DNAH8: variants seen among roughly 807,000 people sequenced by gnomAD.
The protein encoded by DNAH8 is axonemal beta dynein heavy chain 8.
In DNAH8, 382 loss-of-function variants were observed where a neutral mutation model predicts 562.1. The observed-to-expected ratio is 0.68, with a 90% confidence interval of 0.63 to 0.74. The LOEUF is 0.74. Ranked by LOEUF, DNAH8 falls within the 30% of genes least tolerant of loss-of-function variation. DNAH8 has a pLI of 0.00. For missense variants in DNAH8, 5,203 were observed against 5,620.4 expected, an observed-to-expected ratio of 0.93 and a Z score of 2.37; for synonymous variants, 1,881 against 1,919.4, an observed-to-expected ratio of 0.98 and a Z score of 0.52.
At chr6:38,805,434 T>C (rs767983606) in intron 22 of DNAH8, 47 bp from the exon 23 acceptor site, 3 of 1,197,498 alleles carry the variant, frequency 2.5e-6, no homozygotes, top group Non-Finnish European at 3.7e-6. Flanking sequence ...ATACAGACAA[T>C]GCTAAAAAGT....
intron 91 of DNAH8, among the ~76,000 whole-genome samples, chr6:39,015,958 A>G (rs182575043): frequency 3.3e-5 from 5 of 152,274 alleles, no homozygotes; most frequent in African/African-American, 1.2e-4. Flanking sequence ...CCTGCACACT[A>G]ATCACTTCTC....
Position 38,917,905 on chromosome 6 carries a change from G to A in DNAH8, c.10309-20G>A. On this transcript the variant is annotated intron_variant, in intron 69 of 92. Transcript: ENST00000327475. The stretch of plus-strand genomic sequence containing the variant: ...AAGTATTTTCTTCCAGAACTTACAG[G>A]TTATAATACTATTTTTCAGTTGATG... The A allele has an allele frequency of 6.3e-7, 1 of 1,580,300 alleles. No homozygotes were observed. The highest frequency in any genetic ancestry group is 2.2e-5 in the East Asian group (1 of 44,524).
In DNAH8 at chr6:38,787,569, G is replaced by A. The variant is rs571603253; in HGVS notation, c.2583+617G>A. Among the ~76,000 whole-genome samples, 6 of 151,860 alleles carry A rather than the reference G, an allele frequency of 4.0e-5. No homozygotes were observed. In the East Asian group the frequency reaches 5.8e-4, roughly 15 times the overall value. ...GACGAAACTGGGTGTGGTGGTGCACGCTTGTAATCCCAGCTACTTAGGAGG... is the reference window on the plus strand; with the variant it reads ...GACGAAACTGGGTGTGGTGGTGCACACTTGTAATCCCAGCTACTTAGGAGG... On this transcript the variant is annotated intron_variant, in intron 18 of 92. Transcript: ENST00000327475.
At chr6:38,725,009 AG>A (rs753529009) in intron 3 of DNAH8, among the ~76,000 whole-genome samples, 21 of 152,102 alleles carry the variant, frequency 1.4e-4, no homozygotes, top group Non-Finnish European at 2.8e-4. Context: ...CGTGCCTAAA[AG>A]AGCTACTCCC....
intron 11 of DNAH8, 22 bp from the exon 12 acceptor site, chr6:38,770,391 A>G (rs1488406226): frequency 2.0e-6 from 3 of 1,496,092 alleles, no homozygotes; most frequent in African/African-American, 2.8e-5. Flanking sequence ...TCTTTTCCCT[A>G]TTTCTTTTAC....
chr6:38,942,660 G>T (rs1364111042), intron 79 of DNAH8, among the ~76,000 whole-genome samples: 5 of 152,194 alleles, frequency 3.3e-5, no homozygotes, highest in Admixed American at 3.3e-4. Flanking sequence ...AAGGACCAAT[G>T]CCAGGAGCTG....
intron 26 of DNAH8, among the ~76,000 whole-genome samples, chr6:38,821,764 G>T (rs1307435252): frequency 1.3e-5 from 2 of 152,128 alleles, no homozygotes; most frequent in Admixed American, 6.6e-5. Context: ...ATTTTGCCAT[G>T]TTGCCCAGGC....
intron 8 of DNAH8, among the ~76,000 whole-genome samples, chr6:38,747,247 CT>C (rs1462358638): frequency 6.6e-6 from 1 of 152,114 alleles, no homozygotes; most frequent in Non-Finnish European, 1.5e-5. Context: ...GATTAAGTTT[CT>C]TGTTCAAGGT....
In DNAH8 at chr6:38,780,020, G is replaced by A; in HGVS notation, c.2094G>A (p.Glu698=). Residue 698 remains glutamate, a synonymous_variant, in exon 15 of 93, where the codon GAG becomes GAA. Coordinates refer to ENST00000327475, the MANE Select transcript of DNAH8 (RefSeq NM_001206927.2). ...CLGLEINHTI[E]RILQYYVAEL... ...GATTAGAAATAAACCACACAATAGA[G>A]CGTATTCTTCAGTACTATGTGGCTG... is the stretch of plus-strand genomic sequence containing the variant. 6.2e-7 allele frequency: 1 copy of A among 1,614,048 alleles called. No homozygotes were observed. Among genetic ancestry groups the A allele is most frequent in the Non-Finnish European group, 8.5e-7 (1 of 1,179,982 alleles).
At position 38,872,594 on chromosome 6, in the gene DNAH8, G is replaced by T. The variant is rs1209723351; in HGVS notation, c.7049G>T (p.Gly2350Val). The part of the protein sequence containing the change: ...GLMTLGPSGS[G>V]KTTVITILMK... ...ATGACTCTTGGGCCCAGTGGTTCTG[G>T]AAAGACAACCGTTATCACGATTCTA... Residue 2350 changes from glycine to valine, a missense_variant, in exon 50 of 93, where the codon GGA becomes GTA. Around this residue, in one of 6 missense-constraint regions of DNAH8, gnomAD observed 2,176 missense variants for 2,365.1 expected, o/e 0.92. Transcript: ENST00000327475. 1.2e-6 allele frequency: 2 copies of T among 1,614,060 alleles called. No homozygotes were observed. The highest frequency in any genetic ancestry group is 2.2e-5 in the South Asian group (2 of 91,080).
At chr6:39,000,874 G>A (rs1016345407) in intron 88 of DNAH8, among the ~76,000 whole-genome samples, 2 of 152,198 alleles carry the variant, frequency 1.3e-5, no homozygotes, top group African/African-American at 4.8e-5. Flanking sequence ...CTTAAAGGAT[G>A]TGCAGGAGTT....
At chr6:38,955,790 T>C (rs1480500980) in intron 82 of DNAH8, among the ~76,000 whole-genome samples, 1 of 152,184 alleles carries the variant, frequency 6.6e-6, no homozygotes, top group African/African-American at 2.4e-5. Flanking sequence ...ACAAAGTCTC[T>C]CTGCAGGAAC....
chr6:38,935,549 G>A, intron 76 of DNAH8, 43 bp from the exon 77 acceptor site: 1 of 1,384,712 alleles, frequency 7.2e-7, no homozygotes, highest in African/African-American at 1.4e-5. Flanking sequence ...TGTAATAACT[G>A]GTAATTATAG....
intron 8 of DNAH8, among the ~76,000 whole-genome samples, chr6:38,746,686 T>G (rs1245369472): frequency 3.3e-5 from 5 of 152,104 alleles, no homozygotes; most frequent in African/African-American, 4.8e-5. Context: ...CCCAGCACTT[T>G]GGGAGGCCGA....
chr6:38,790,013 CTGTT>C, intron 19 of DNAH8, 130 bp downstream of exon 19: 2 of 619,574 alleles, frequency 3.2e-6, no homozygotes, highest in African/African-American at 2.1e-5. Context: ...TTTTATAGCT[CTGTT>C]TTTTTTTTTT....
chr6:38,940,981 G>A (rs889628663), intron 79 of DNAH8, among the ~76,000 whole-genome samples: 49 of 151,964 alleles, frequency 3.2e-4, no homozygotes, highest in African/African-American at 8.7e-4. Context: ...TTAGCTGGGC[G>A]TGGTGGCACG....
intron 86 of DNAH8, among the ~76,000 whole-genome samples, chr6:38,983,814 A>G (rs1482112271): frequency 6.6e-6 from 1 of 152,246 alleles, no homozygotes; most frequent in Non-Finnish European, 1.5e-5. Flanking sequence ...TACATTACTA[A>G]GAAAGCGTAT....
In DNAH8 at chr6:38,921,297, T is replaced by G. The variant is rs1038525640; in HGVS notation, c.10525-72T>G. ...CGTCTAGTGCAGAAATTATGTGATT[T>G]GTGTTATCTACCAGTTACAATCATG... On this transcript the variant is annotated intron_variant, in intron 70 of 92. Transcript: ENST00000327475. The G allele has an allele frequency of 3.0e-5, 46 of 1,532,692 alleles. No homozygotes were observed. The African/African-American group carries it at 6.1e-4, about 20-fold the overall frequency. 94.9% of individuals were successfully genotyped at this position (1,532,692 alleles called of 1,614,324 possible). A position where few individuals can be genotyped will look rare whatever the true frequency, so the allele number is the denominator to read the frequency against.
At chr6:38,762,902 T>G (rs998317438) in intron 11 of DNAH8, 3 of 274,932 alleles carry the variant, frequency 1.1e-5, no homozygotes, top group Non-Finnish European at 2.1e-5. Context: ...AACTGGAGGA[T>G]AAGAAGAGGA....
Sources: gnomAD v4.1 joint callset for allele counts (sites outside exome capture counted in the v4.1 genomes callset) on GRCh38, gnomAD v4.1.1 for gene constraint, gnomAD v4.1.1 regional missense constraint, MANE v1.5 for transcripts, NCBI Gene and HGNC (gene_info 2026-07-23, HGNC 2026-07-21) for gene names.